CDH12: variants seen among roughly 807,000 people sequenced by gnomAD.
The protein encoded by CDH12 is cadherin-12.
A neutral mutation model predicts 74.1 loss-of-function variants in CDH12; 41 were observed. That is an observed-to-expected ratio of 0.55 (90% CI 0.43 to 0.72). CDH12 has a LOEUF of 0.72. Among genes scored for constraint, CDH12 ranks in the 30% least tolerant of loss-of-function variants. The pLI, the probability that CDH12 is intolerant of heterozygous loss-of-function variation, is 0.00. For missense variants in CDH12, 945 were observed against 977.2 expected, an observed-to-expected ratio of 0.97 and a Z score of 0.44; for synonymous variants, 399 against 355.0, an observed-to-expected ratio of 1.12 and a Z score of -1.39.
intron 1 of CDH12, among the ~76,000 whole-genome samples, chr5:22,530,027 C>T (rs1737517188): frequency 6.6e-6 from 1 of 152,048 alleles, no homozygotes; most frequent in Admixed American, 6.6e-5. Flanking sequence ...AGTTTTACAT[C>T]TACTGTAATC....
chr5:21,913,764 C>T (rs936885776), intron 6 of CDH12, among the ~76,000 whole-genome samples: 47 of 152,044 alleles, frequency 3.1e-4, no homozygotes, highest in African/African-American at 1.1e-3. Context: ...CAGCCCTGAC[C>T]TCCTGAGCAC....
At chr5:21,804,643 AACACACAC>A (rs11281181) in intron 9 of CDH12, among the ~76,000 whole-genome samples, 2,223 of 115,296 alleles carry the variant, frequency 0.019, 34 homozygotes, top group East Asian at 0.027. Flanking sequence ...AGTGAATTAA[AACACACAC>A]ACACACACAC....
At chr5:22,043,877 G>T (rs10076090) in intron 5 of CDH12, among the ~76,000 whole-genome samples, 3 of 151,746 alleles carry the variant, frequency 2.0e-5, no homozygotes, top group African/African-American at 4.8e-5. Flanking sequence ...AATAAATTTA[G>T]CCATGAAGGA....
At chr5:22,181,075 C>A (rs1749619356) in intron 4 of CDH12, among the ~76,000 whole-genome samples, 1 of 152,072 alleles carries the variant, frequency 6.6e-6, no homozygotes. Context: ...GCAGATCATC[C>A]TCTCTTCTCC....
At chr5:22,571,331 C>CT (rs534894225) in intron 1 of CDH12, among the ~76,000 whole-genome samples, 443 of 145,434 alleles carry the variant, frequency 3.0e-3, no homozygotes, top group South Asian at 0.013. Flanking sequence ...TCTAACTTTT[C>CT]TTTTTTTTTT....
At chr5:22,135,599 T>A (rs1746417961) in intron 4 of CDH12, among the ~76,000 whole-genome samples, 1 of 152,024 alleles carries the variant, frequency 6.6e-6, no homozygotes, top group Non-Finnish European at 1.5e-5. Context: ...AATTCGCAAA[T>A]CAGGGCATAT....
intron 9 of CDH12, among the ~76,000 whole-genome samples, chr5:21,815,223 C>A (rs1252946275): frequency 2.0e-5 from 3 of 152,064 alleles, no homozygotes; most frequent in African/African-American, 7.2e-5. Context: ...GAACTAAATG[C>A]AAAGTATTTA....
intron 1 of CDH12, among the ~76,000 whole-genome samples, chr5:22,631,829 G>A (rs528110011): frequency 5.3e-5 from 8 of 152,196 alleles, no homozygotes; most frequent in South Asian, 2.1e-4. Flanking sequence ...GAGAGGAATC[G>A]AGAGGTGCTA....
At chr5:22,423,206 T>TAAAAAAAAAAAAAAAAA (rs58915238) in intron 2 of CDH12, among the ~76,000 whole-genome samples, 1 of 121,440 alleles carries the variant, frequency 8.2e-6, no homozygotes. Flanking sequence ...GTAAACACAG[T>TAAAAAAAAAAAAAAAAA]AAAAAAAAAA....
At chr5:22,071,376 C>G (rs954340578) in intron 5 of CDH12, among the ~76,000 whole-genome samples, 1 of 152,042 alleles carries the variant, frequency 6.6e-6, no homozygotes, top group Middle Eastern at 3.4e-3. Flanking sequence ...TTTCTTTATG[C>G]TTTAGACAAA....
chr5:21,884,287 G>A, intron 6 of CDH12: 1 of 1,458,256 alleles, frequency 6.9e-7, no homozygotes, highest in South Asian at 1.1e-5. Context: ...GGAATGGGAG[G>A]TGGTATGGGA....
intron 1 of CDH12, among the ~76,000 whole-genome samples, chr5:22,698,727 ATATATATAGT>A (rs202020926): frequency 9.9e-4 from 9 of 9,114 alleles, no homozygotes; most frequent in Admixed American, 1.8e-3. Context: ...ATATATATAT[ATATATATAGT>A]GTGTGTGTGT....
intron 4 of CDH12, among the ~76,000 whole-genome samples, chr5:22,102,291 C>T (rs374952716): frequency 6.6e-6 from 1 of 152,176 alleles, no homozygotes; most frequent in South Asian, 2.1e-4. Flanking sequence ...AACCAAGATA[C>T]GGGTTCTCAA....
At chr5:22,259,498 C>T (rs1580455502) in intron 3 of CDH12, among the ~76,000 whole-genome samples, 2 of 152,046 alleles carry the variant, frequency 1.3e-5, no homozygotes, top group South Asian at 2.1e-4. Flanking sequence ...CAGTAGCCAT[C>T]GTTCTAATTA....
rs558702254 is a variant in CDH12 at position 21,761,813 on chromosome 5, C to T, written c.1516-1138G>A. ...AGATATCACTGGGACCTTGGATATC[C>T]AGTGCAGCATTAGTAATTTCTAATT... is the stretch of plus-strand genomic sequence containing the variant. On this transcript the variant is annotated intron_variant, in intron 12 of 14. Transcript: ENST00000382254. 2.6e-5 allele frequency among the ~76,000 whole-genome samples: 4 copies of T among 152,072 alleles called. No homozygotes were observed. The East Asian group carries it at 7.8e-4, about 29-fold the overall frequency.
chr5:22,698,729 ATATATAGTGTGT>A (rs1561586097), intron 1 of CDH12, among the ~76,000 whole-genome samples: 318 of 7,706 alleles, frequency 0.041, 51 homozygotes, highest in South Asian at 0.09. Context: ...ATATATATAT[ATATATAGTGTGT>A]GTGTGTGTGT....
intron 1 of CDH12, among the ~76,000 whole-genome samples, chr5:22,543,394 C>T (rs1466100885): frequency 6.6e-6 from 1 of 151,938 alleles, no homozygotes; most frequent in African/African-American, 2.4e-5. Context: ...TTATAAAAAG[C>T]CTAGCAGAAA....
chr5:22,601,055 A>G (rs184329015), intron 1 of CDH12, among the ~76,000 whole-genome samples: 2 of 152,218 alleles, frequency 1.3e-5, no homozygotes, highest in East Asian at 3.9e-4. Flanking sequence ...TTGTGCCAGA[A>G]ATTTTTATGG....
intron 5 of CDH12, among the ~76,000 whole-genome samples, chr5:22,050,208 G>T (rs1740264442): frequency 6.6e-6 from 1 of 151,766 alleles, no homozygotes; most frequent in African/African-American, 2.4e-5. Context: ...CAAGTTGATT[G>T]CCTGCTACAT....
Sources: gnomAD v4.1 joint callset for allele counts (sites outside exome capture counted in the v4.1 genomes callset) on GRCh38, gnomAD v4.1.1 for gene constraint, MANE v1.5 for transcripts, NCBI Gene and HGNC (gene_info 2026-07-23, HGNC 2026-07-21) for gene names.